The following DNAJC13 variants were observed in gnomAD, a reference collection of about 807,000 sequenced individuals.
The protein encoded by DNAJC13 is DnaJ heat shock protein family (Hsp40) member C13.
Under a neutral mutation model 290.5 loss-of-function variants are expected in DNAJC13, and 75 were observed. The ratio of observed to expected loss-of-function variants is 0.26; its 90% confidence interval spans 0.21 to 0.31. DNAJC13 has a LOEUF of 0.31. Ranked by LOEUF, DNAJC13 falls within the 10% of genes least tolerant of loss-of-function variation. DNAJC13 has a pLI of 1.00. For missense variants in DNAJC13, 2,260 were observed against 2,674.5 expected (o/e 0.85, Z 3.42); for synonymous variants, 862 against 892.0 (o/e 0.97, Z 0.60).
chr3:132,529,254 C>G (rs1936344202), intron 54 of DNAJC13, among the ~76,000 whole-genome samples: 1 of 152,164 alleles, frequency 6.6e-6, no homozygotes, highest in African/African-American at 2.4e-5. Context: ...TAAGCATCAT[C>G]CATGTTACCA....
intron 13 of DNAJC13, 68 bp downstream of exon 13, chr3:132,457,436 C>A (rs1026476620): frequency 1.6e-6 from 2 of 1,221,078 alleles, no homozygotes; most frequent in Non-Finnish European, 2.4e-6. Context: ...TTTCCACAGT[C>A]CCAGATTTTC....
intron 22 of DNAJC13, among the ~76,000 whole-genome samples, chr3:132,477,160 T>C (rs1035549264): frequency 1.3e-5 from 2 of 152,260 alleles, no homozygotes; most frequent in Non-Finnish European, 2.9e-5. Context: ...TTATATAATT[T>C]ATATTTTTAG....
In DNAJC13 at chr3:132,502,286, C is replaced by T. The variant is rs1159443869; in HGVS notation, c.4537-3C>T. The stretch of plus-strand genomic sequence containing the variant: ...ACTAATGCTCTCATTTTTATTCTCT[C>T]AGAGTATTCCCCGCGTAGCTGCTCT... On this transcript the variant is annotated splice_region_variant and splice_polypyrimidine_tract_variant and intron_variant, in intron 39 of 55. Coordinates refer to ENST00000260818, the MANE Select transcript of DNAJC13 (RefSeq NM_015268.4). 8 of 1,599,992 alleles carry T rather than the reference C, an allele frequency of 5.0e-6. No individual in the cohort carries two copies. Among genetic ancestry groups the T allele is most frequent in the Non-Finnish European group, 6.8e-6 (8 of 1,173,714 alleles).
intron 6 of DNAJC13, among the ~76,000 whole-genome samples, chr3:132,452,092 T>C (rs1292812270): frequency 6.6e-6 from 1 of 152,198 alleles, no homozygotes; most frequent in African/African-American, 2.4e-5. Context: ...TTGGTAAAGA[T>C]ACCTGATTAC....
intron 48 of DNAJC13, 136 bp from the exon 49 acceptor site, chr3:132,522,692 C>T: frequency 1.4e-6 from 1 of 691,704 alleles, no homozygotes; most frequent in Non-Finnish European, 2.3e-6. Flanking sequence ...CACTCCAGAA[C>T]TTTTAGGTAA....
chr3:132,514,471 C>A, intron 45 of DNAJC13, 100 bp from the exon 46 acceptor site: 1 of 687,510 alleles, frequency 1.5e-6, no homozygotes, highest in Non-Finnish European at 2.4e-6. Flanking sequence ...ATGTTTCATC[C>A]CCCAAACATT....
At chr3:132,437,920 G>T (rs377709638) in intron 2 of DNAJC13, among the ~76,000 whole-genome samples, 3 of 151,866 alleles carry the variant, frequency 2.0e-5, no homozygotes, top group African/African-American at 7.3e-5. Context: ...GCATGGCGGC[G>T]CTCCCCTTTA....
At chr3:132,509,254 C>T (rs1935698108) in intron 43 of DNAJC13, among the ~76,000 whole-genome samples, 1 of 152,324 alleles carries the variant, frequency 6.6e-6, no homozygotes, top group East Asian at 1.9e-4. Context: ...GTTTCCAGCT[C>T]TCATGGATGA....
chr3:132,472,509 C>A, intron 20 of DNAJC13: 1 of 956,350 alleles, frequency 1.0e-6, no homozygotes, highest in Non-Finnish European at 1.2e-6. Context: ...TAGGCTCATT[C>A]TCTTTTTATT....
chr3:132,482,983 C>T (rs1480861985), intron 27 of DNAJC13, among the ~76,000 whole-genome samples: 1 of 152,156 alleles, frequency 6.6e-6, no homozygotes, highest in Non-Finnish European at 1.5e-5. Context: ...AGTCCAAGAG[C>T]TAAGGACAGT....
At chr3:132,431,785 C>T (rs1400234740) in intron 1 of DNAJC13, among the ~76,000 whole-genome samples, 1 of 152,000 alleles carries the variant, frequency 6.6e-6, no homozygotes, top group Non-Finnish European at 1.5e-5. Flanking sequence ...ATCCATATAC[C>T]AGAATATTAC....
At chr3:132,518,017 T>A (rs1002499095) in intron 48 of DNAJC13, among the ~76,000 whole-genome samples, 2 of 152,184 alleles carry the variant, frequency 1.3e-5, no homozygotes, top group African/African-American at 4.8e-5. Flanking sequence ...AGGTAGCACA[T>A]AACTGTAATA....
chr3:132,538,359 C>T lies in DNAJC13; in HGVS notation c.*77C>T, dbSNP rs1017640050. On this transcript the variant is annotated 3_prime_UTR_variant, in exon 56 of 56. Transcript: ENST00000260818. ...CCTCCAGCTGATACGTTGAAGCAAA[C>T]TCTTACTGCCTTTCTCCTGGTTTCA... The T allele has an allele frequency of 9.6e-6, 10 of 1,043,684 alleles. No homozygotes were observed. Among genetic ancestry groups the T allele is most frequent in the Non-Finnish European group, 1.4e-5 (10 of 696,182 alleles). The allele number at this position is 1,043,684 out of a possible 1,614,324, so 64.7% of individuals were successfully genotyped here. A position where few individuals can be genotyped will look rare whatever the true frequency, so the allele number is the denominator to read the frequency against.
At chr3:132,472,174 G>C (rs553798155) in intron 20 of DNAJC13, among the ~76,000 whole-genome samples, 2 of 151,278 alleles carry the variant, frequency 1.3e-5, no homozygotes, top group African/African-American at 4.8e-5. Context: ...GCAGTGAGCC[G>C]AGATGGCAGC....
intron 20 of DNAJC13, among the ~76,000 whole-genome samples, chr3:132,469,992 T>TA (rs1415345111): frequency 1.6e-4 from 15 of 96,052 alleles, no homozygotes; most frequent in South Asian, 3.5e-4. Context: ...TTTTTTTTTT[T>TA]AATTTATTTT....
intron 20 of DNAJC13, chr3:132,472,587 T>G (rs573368658): frequency 3.0e-4 from 293 of 985,456 alleles, no homozygotes; most frequent in Non-Finnish European, 3.4e-4. Flanking sequence ...TGTAAGTTCC[T>G]GCTACGTGTG....
At chr3:132,501,569 CAAA>C (rs74269441) in intron 39 of DNAJC13, among the ~76,000 whole-genome samples, 1 of 106,170 alleles carries the variant, frequency 9.4e-6, no homozygotes, top group Non-Finnish European at 2.0e-5. Flanking sequence ...GACTCTGTCT[CAAA>C]AAAAAAAAAG....
chr3:132,467,407 T>C (rs914857468), intron 20 of DNAJC13, 94 bp downstream of exon 20: 37 of 1,223,508 alleles, frequency 3.0e-5, no homozygotes, highest in Admixed American at 1.9e-4. Flanking sequence ...TCGATACATT[T>C]CTTGCTGAAT....
At chr3:132,477,062 A>C (rs959946165) in intron 22 of DNAJC13, among the ~76,000 whole-genome samples, 1 of 152,388 alleles carries the variant, frequency 6.6e-6, no homozygotes, top group South Asian at 2.1e-4. Flanking sequence ...GGAATAGTAC[A>C]TGGCACACAG....
Sources: gnomAD v4.1 joint callset for allele counts (sites outside exome capture counted in the v4.1 genomes callset) on GRCh38, gnomAD v4.1.1 for gene constraint, MANE v1.5 for transcripts, NCBI Gene and HGNC (gene_info 2026-07-23, HGNC 2026-07-21) for gene names.